The following TAFA2 variants were observed in gnomAD, a reference collection of about 807,000 sequenced individuals.
The protein encoded by TAFA2 is TAFA chemokine like family member 2.
In TAFA2, 7 loss-of-function variants were observed where a neutral mutation model predicts 18.8. That is an observed-to-expected ratio of 0.37 (90% confidence interval 0.21 to 0.70). The LOEUF is 0.70. Ranked by LOEUF, TAFA2 falls within the 30% of genes least tolerant of loss-of-function variation. The probability of loss-of-function intolerance (pLI) is 0.53; values close to 1 mark genes in which losing one functional copy is unlikely to be tolerated. For synonymous variants in TAFA2, 60 were observed against 54.2 expected (o/e 1.11, Z -0.47); for missense variants, 122 against 158.1 (o/e 0.77, Z 1.23).
intron 1 of TAFA2, among the ~76,000 whole-genome samples, chr12:61,976,077 C>CA (rs1215476583): frequency 1.3e-5 from 2 of 151,634 alleles, no homozygotes; most frequent in Non-Finnish European, 3.0e-5. Context: ...ATCACTTTAC[C>CA]AAACGATATA....
In TAFA2 at chr12:61,787,908, G is replaced by A. The variant is rs76563678; in HGVS notation, c.107-32884C>T. ...ATTATCCAGTTAAAAGATATAGAGC[G>A]GTCAAATGGATAAAAAACAAGACTC... On this transcript the variant is annotated intron_variant, in intron 2 of 4. Coordinates refer to ENST00000416284, the MANE Select transcript of TAFA2 (RefSeq NM_178539.5). 2.3e-3 allele frequency among the ~76,000 whole-genome samples: 356 copies of A among 151,542 alleles called. 2 individuals are homozygous for A. The highest frequency in any genetic ancestry group is 4.0e-3 in the Non-Finnish European group (273 of 67,698).
chr12:62,208,116 T>C (rs2136971492), intron 1 of TAFA2, among the ~76,000 whole-genome samples: 1 of 152,092 alleles, frequency 6.6e-6, no homozygotes, highest in South Asian at 2.1e-4. Flanking sequence ...TATCTAGTAG[T>C]TTGAGGTAAA....
chr12:61,775,160 T>C (rs1381530582), intron 2 of TAFA2, among the ~76,000 whole-genome samples: 1 of 151,834 alleles, frequency 6.6e-6, no homozygotes, highest in East Asian at 1.9e-4. Context: ...AATATCAAAT[T>C]CTGGCAAGGA....
chr12:61,893,460 G>A (rs1207326215), intron 1 of TAFA2, among the ~76,000 whole-genome samples: 5 of 152,290 alleles, frequency 3.3e-5, no homozygotes, highest in Middle Eastern at 3.4e-3. Flanking sequence ...GATACAGGAC[G>A]ATGTGTGTGT....
rs1869936527 is a variant in TAFA2 at position 61,722,157 on chromosome 12, T to C, written c.385-11740A>G. Among the ~76,000 whole-genome samples, 6 of 152,160 alleles carry C rather than the reference T, an allele frequency of 3.9e-5. No individual in the cohort carries two copies. The South Asian group carries it at 1.2e-3, about 31-fold the overall frequency. On this transcript the variant is annotated intron_variant, in intron 4 of 4. Transcript: ENST00000416284. ...CGACAATAGAGGGGTTTTGGTTGTA[T>C]AAGTTAAAAGTAAAGTAAAGCACTT...
intron 1 of TAFA2, among the ~76,000 whole-genome samples, chr12:61,962,176 G>A (rs1592516280): frequency 6.6e-6 from 1 of 151,968 alleles, no homozygotes; most frequent in African/African-American, 2.4e-5. Flanking sequence ...AGGAATTCCT[G>A]TTTATTCTCA....
chr12:61,938,152 T>C (rs851908), intron 1 of TAFA2, among the ~76,000 whole-genome samples: 2,750 of 136,498 alleles, frequency 0.02, 39 homozygotes, highest in East Asian at 0.081. Context: ...TAAAATACAA[T>C]AGATGTTGGC....
At chr12:61,986,866 CAG>C (rs1382818911) in intron 1 of TAFA2, among the ~76,000 whole-genome samples, 1 of 152,074 alleles carries the variant, frequency 6.6e-6, no homozygotes, top group Non-Finnish European at 1.5e-5. Context: ...TAGGACTTGA[CAG>C]AAGCAAAATT....
chr12:61,811,476 G>A (rs1666183129), intron 2 of TAFA2, among the ~76,000 whole-genome samples: 1 of 151,360 alleles, frequency 6.6e-6, no homozygotes, highest in Non-Finnish European at 1.5e-5. Flanking sequence ...GTTTTTATTT[G>A]CAAGGCATGA....
intron 1 of TAFA2, among the ~76,000 whole-genome samples, chr12:62,163,528 T>C (rs1440376440): frequency 6.6e-6 from 1 of 152,146 alleles, no homozygotes; most frequent in African/African-American, 2.4e-5. Flanking sequence ...TTTCTTATGC[T>C]GTCTCCCACA....
chr12:62,225,608 T>G (rs1322096113), intron 1 of TAFA2, among the ~76,000 whole-genome samples: 1 of 152,082 alleles, frequency 6.6e-6, no homozygotes, highest in Non-Finnish European at 1.5e-5. Flanking sequence ...TAATTTTCCT[T>G]ATATAGTAAA....
chr12:61,981,193 A>T (rs1235453475), intron 1 of TAFA2, among the ~76,000 whole-genome samples: 1 of 152,204 alleles, frequency 6.6e-6, no homozygotes, highest in East Asian at 1.9e-4. Context: ...ACCTGACAAA[A>T]AAACAAGAAA....
chr12:61,803,970 T>C (rs951271742), intron 2 of TAFA2, among the ~76,000 whole-genome samples: 10 of 151,994 alleles, frequency 6.6e-5, no homozygotes, highest in African/African-American at 2.2e-4. Context: ...TGTTAATGCC[T>C]TTAACATTCA....
intron 1 of TAFA2, among the ~76,000 whole-genome samples, chr12:61,872,273 C>T (rs1319844535): frequency 6.6e-6 from 1 of 152,108 alleles, no homozygotes; most frequent in Non-Finnish European, 1.5e-5. Context: ...GAGCCTAAGA[C>T]ACTTCTGTGG....
At chr12:62,136,296 T>A (rs1870893198) in intron 1 of TAFA2, among the ~76,000 whole-genome samples, 1 of 152,164 alleles carries the variant, frequency 6.6e-6, no homozygotes, top group Non-Finnish European at 1.5e-5. Flanking sequence ...AATCGTTTCA[T>A]GTCTATGGAG....
intron 1 of TAFA2, among the ~76,000 whole-genome samples, chr12:61,975,252 T>C (rs1308926052): frequency 6.6e-6 from 1 of 151,714 alleles, no homozygotes; most frequent in Admixed American, 6.6e-5. Context: ...ATTCATCTGA[T>C]ATAAGATATA....
chr12:61,859,678 G>A (rs1219326896), intron 2 of TAFA2, among the ~76,000 whole-genome samples: 4 of 152,004 alleles, frequency 2.6e-5, no homozygotes, highest in African/African-American at 9.7e-5. Flanking sequence ...TCCTGACCTC[G>A]TGATCCGCCC....
intron 1 of TAFA2, among the ~76,000 whole-genome samples, chr12:62,112,411 C>A (rs1056870459): frequency 1.3e-5 from 2 of 152,098 alleles, no homozygotes; most frequent in African/African-American, 2.4e-5. Context: ...TCTCTGGCTG[C>A]CCTTAACATT....
chr12:62,173,320 G>A (rs1318834428), intron 1 of TAFA2, among the ~76,000 whole-genome samples: 2 of 152,124 alleles, frequency 1.3e-5, no homozygotes, highest in Admixed American at 6.5e-5. Flanking sequence ...GCTGAGGCAG[G>A]AGAATCACTT....
Sources: gnomAD v4.1 joint callset for allele counts (sites outside exome capture counted in the v4.1 genomes callset) on GRCh38, gnomAD v4.1.1 for gene constraint, MANE v1.5 for transcripts, NCBI Gene and HGNC (gene_info 2026-07-23, HGNC 2026-07-21) for gene names.